F7: variants seen among roughly 807,000 people sequenced by gnomAD.
The protein encoded by F7 is FVII coagulation protein.
F7 carries 38 observed loss-of-function variants against 47.5 expected under a neutral mutation model. The ratio of observed to expected loss-of-function variants is 0.80; its 90% confidence interval spans 0.62 to 1.05. The LOEUF is 1.05. F7 is among the 50% of genes least tolerant of loss of function. F7 has a pLI of 0.00. For missense variants in F7, 575 were observed against 605.4 expected (o/e 0.95, Z 0.53); for synonymous variants, 244 against 258.5 (o/e 0.94, Z 0.54).
chr13:113,119,158 G>C lies in F7; in HGVS notation c.*150G>C, dbSNP rs1038283657. The C allele has an allele frequency of 3.0e-6, 2 of 676,462 alleles. No individual in the cohort carries two copies. The highest frequency in any genetic ancestry group is 1.7e-5 in the South Asian group (1 of 57,810). 41.9% of individuals were successfully genotyped at this position (676,462 alleles called of 1,614,324 possible). A position where few individuals can be genotyped will look rare whatever the true frequency, so the allele number is the denominator to read the frequency against. ...AGGGAGACAGAGACAGAAACAGAGA[G>C]AGACAGAGACAGAGAGAGACTGAGG... On this transcript the variant is annotated 3_prime_UTR_variant, in exon 8 of 8. Transcript: ENST00000346342.
chr13:113,118,751 A>C lies in F7; in HGVS notation c.1078A>C (p.Asn360His), dbSNP rs373135581. ...QQSRKVGDSP[N>H]ITEYMFCAGY... The stretch of plus-strand genomic sequence containing the variant: ...GTCACGGAAGGTGGGAGACTCCCCA[A>C]ATATCACGGAGTACATGTTCTGTGC... Residue 360 changes from asparagine to histidine, a missense_variant, in exon 8 of 8, where the codon AAT becomes CAT. Asn to His is a moderately conservative substitution (Grantham distance 68). Coordinates refer to ENST00000346342, the MANE Select transcript of F7 (RefSeq NM_019616.4). 1.2e-6 allele frequency: 2 copies of C among 1,613,122 alleles called. No individual in the cohort carries two copies. Among genetic ancestry groups the C allele is most frequent in the Non-Finnish European group, 1.7e-6 (2 of 1,179,950 alleles).
chr13:113,106,764 T>TGAGG, intron 1 of F7: 1 of 1,386,362 alleles, frequency 7.2e-7, no homozygotes, highest in Non-Finnish European at 1.0e-6. Flanking sequence ...GGGTGGGCTG[T>TGAGG]GAGGGACAGT....
chr13:113,107,064 G>T (rs2035975100), intron 1 of F7, among the ~76,000 whole-genome samples: 1 of 152,100 alleles, frequency 6.6e-6, no homozygotes, highest in Non-Finnish European at 1.5e-5. Context: ...GACCGCTCCA[G>T]CTTGGCCTTC....
chr13:113,111,941 C>A (rs1330695842), intron 2 of F7, among the ~76,000 whole-genome samples: 1 of 142,992 alleles, frequency 7.0e-6, no homozygotes, highest in African/African-American at 2.6e-5. Flanking sequence ...CACCTCACAC[C>A]CACAGGACAC....
rs764741909 is a variant in F7 at position 113,115,878 on chromosome 13, G to A, written c.505+78G>A. 47 of 1,588,222 alleles carry A rather than the reference G, an allele frequency of 3.0e-5. No homozygotes were observed. Among genetic ancestry groups the A allele is most frequent in the Non-Finnish European group, 3.9e-5 (45 of 1,164,930 alleles). On this transcript the variant is annotated intron_variant, in intron 5 of 7. Transcript: ENST00000346342. ...CGGATTATCTTACTGGACAAAAGACGGGTGGGAGTGGCTTCACATCTACTG... is the reference window on the plus strand; with the variant it reads ...CGGATTATCTTACTGGACAAAAGACAGGTGGGAGTGGCTTCACATCTACTG...
intron 6 of F7, among the ~76,000 whole-genome samples, chr13:113,117,234 A>C (rs948665945): frequency 1.3e-5 from 2 of 152,198 alleles, no homozygotes; most frequent in Non-Finnish European, 2.9e-5. Context: ...TGAACAGTGA[A>C]ATCTCACAGC....
chr13:113,115,569 A>T, intron 4 of F7, 91 bp from the exon 5 acceptor site: 1 of 1,439,232 alleles, frequency 6.9e-7, no homozygotes, highest in Non-Finnish European at 9.6e-7. Context: ...CAGGCAGAAC[A>T]CCACTGCTGA....
chr13:113,117,130 G>T, intron 6 of F7: 1 of 617,162 alleles, frequency 1.6e-6, no homozygotes, highest in Non-Finnish European at 2.9e-6. Flanking sequence ...GAGTTGTCAC[G>T]TCGTCCTCAC....
At chr13:113,111,393 A>G (rs560148347) in intron 2 of F7, among the ~76,000 whole-genome samples, 1,644 of 113,192 alleles carry the variant, frequency 0.015, 16 homozygotes, top group Middle Eastern at 0.05. Context: ...TCACACTCAC[A>G]GGTCACCTCA....
rs1465760734 is a variant in F7 at position 113,113,780 on chromosome 13, A to G, written c.250+4A>G. On this transcript the variant is annotated splice_donor_region_variant and intron_variant, in intron 3 of 7. Coordinates refer to ENST00000346342, the MANE Select transcript of F7 (RefSeq NM_019616.4). This position sits in a 1 kb window ranked among gnomAD's most constrained non-coding sequence, Gnocchi z 4.1. The stretch of plus-strand genomic sequence containing the variant: ...CTGTTCTGGATTTCTTACAGTGGTG[A>G]GTGGATGATCACCACCAGTCCTGCC... The G allele has an allele frequency of 6.2e-7, 1 of 1,614,108 alleles. No homozygotes were observed. The highest frequency in any genetic ancestry group is 8.5e-7 in the Non-Finnish European group (1 of 1,180,024).
At position 113,113,640 on chromosome 13, in the gene F7, C is replaced by T. The variant is rs946184970; in HGVS notation, c.226-112C>T. 1.1e-5 allele frequency: 13 copies of T among 1,135,004 alleles called. No individual in the cohort carries two copies. The highest frequency in any genetic ancestry group is 7.0e-5 in the East Asian group (3 of 42,732). The allele number at this position is 1,135,004 out of a possible 1,614,324, so 70.3% of individuals were successfully genotyped here. A position where few individuals can be genotyped will look rare whatever the true frequency, so the allele number is the denominator to read the frequency against. Reference sequence around the variant, plus strand: ...AAAGTCTGGCTTCCTGAGCCCACCCCGCCAGACCCAGGTCCAAGTCCCCCA... The same window carrying T: ...AAAGTCTGGCTTCCTGAGCCCACCCTGCCAGACCCAGGTCCAAGTCCCCCA... On this transcript the variant is annotated intron_variant, in intron 2 of 7. Transcript: ENST00000346342. This position sits in a 1 kb window ranked among gnomAD's most constrained non-coding sequence, Gnocchi z 4.1.
At chr13:113,117,404 C>T (rs762648762) in intron 6 of F7, 69 bp from the exon 7 acceptor site, 93 of 1,602,258 alleles carry the variant, frequency 5.8e-5, no homozygotes, top group East Asian at 2.7e-4. Context: ...TTGGCATGCC[C>T]GGGAGGGCGA....
chr13:113,115,776 G>A lies in F7; in HGVS notation c.481G>A (p.Asp161Asn), dbSNP rs1258691292. 7 of 1,613,290 alleles carry A rather than the reference G, an allele frequency of 4.3e-6. No individual in the cohort carries two copies. Among genetic ancestry groups the A allele is most frequent in the Non-Finnish European group, 5.1e-6 (6 of 1,180,026 alleles). Residue 161 changes from aspartate (D) to asparagine (N), a missense_variant, in exon 5 of 8, where the codon GAC (aspartate) becomes AAC (asparagine). Asp to Asn is a conservative substitution (Grantham distance 23). Transcript: ENST00000346342. The stretch of plus-strand genomic sequence containing the variant: ...CCACGAGGGGTACTCTCTGCTGGCA[G>A]ACGGGGTGTCCTGCACACCCACAGG... ...RCHEGYSLLA[D>N]GVSCTPTVEY...
At chr13:113,107,017 G>GC in intron 1 of F7, 5 of 1,281,082 alleles carry the variant, frequency 3.9e-6, no homozygotes, top group African/African-American at 1.5e-5. Context: ...CTACTGCAGT[G>GC]CCCCCCAAGG....
chr13:113,113,712 G>A lies in F7; in HGVS notation c.226-40G>A, dbSNP rs778330527. The A allele has an allele frequency of 2.5e-6, 4 of 1,597,516 alleles. No individual in the cohort carries two copies. Among genetic ancestry groups the A allele is most frequent in the Admixed American group, 3.3e-5 (2 of 60,014 alleles). ...AGTGCTTACCGTTGGGTGCTCTGGT[G>A]AAGGTGCATCTCACGAGGCTTGCTC... On this transcript the variant is annotated intron_variant, in intron 2 of 7. Transcript: ENST00000346342. This position sits in a 1 kb window ranked among gnomAD's most constrained non-coding sequence, Gnocchi z 4.1.
In F7 at chr13:113,113,530, G is replaced by A. The variant is rs1468674524; in HGVS notation, c.226-222G>A. Among the ~76,000 whole-genome samples, 1 of 152,210 alleles carries A rather than the reference G, an allele frequency of 6.6e-6. No homozygotes were observed. Among genetic ancestry groups the A allele is most frequent in the African/African-American group, 2.4e-5 (1 of 41,450 alleles). On this transcript the variant is annotated intron_variant, in intron 2 of 7. Coordinates refer to ENST00000346342, the MANE Select transcript of F7 (RefSeq NM_019616.4). The surrounding 1 kb of genome is among the most constrained non-coding windows in gnomAD (Gnocchi z 4.1). Reference sequence around the variant, plus strand: ...GTTGAACCTCGGGTGTTCTGACTTGGGAGCAGGAAATGTGTGGTCACCCAT... The same window carrying A: ...GTTGAACCTCGGGTGTTCTGACTTGAGAGCAGGAAATGTGTGGTCACCCAT...
In F7 at chr13:113,118,644, A is replaced by T; in HGVS notation, c.971A>T (p.Gln324Leu). ...TTCTCATTGGTCAGCGGCTGGGGCC[A>T]GCTGCTGGACCGTGGCGCCACGGCC... Reference protein sequence around the residue: ...VRFSLVSGWGQLLDRGATALE... With the variant: ...VRFSLVSGWGLLLDRGATALE... The change falls in exon 8 of 8, where the codon CAG becomes CTG. Residue 324 changes from glutamine to leucine, a missense_variant. Physicochemically the swap from Gln to Leu is moderately radical, Grantham distance 113. Coordinates refer to ENST00000346342, the MANE Select transcript of F7 (RefSeq NM_019616.4). The T allele has an allele frequency of 4.3e-6, 7 of 1,612,910 alleles. No homozygotes were observed. Among genetic ancestry groups the T allele is most frequent in the Non-Finnish European group, 5.9e-6 (7 of 1,179,992 alleles).
intron 5 of F7, among the ~76,000 whole-genome samples, chr13:113,116,493 A>G (rs2036194125): frequency 6.6e-6 from 1 of 152,228 alleles, no homozygotes; most frequent in Non-Finnish European, 1.5e-5. Flanking sequence ...CGGTTTTAAG[A>G]CGTAAGCCCT....
At position 113,113,596 on chromosome 13, in the gene F7, C is replaced by T. The variant is rs1463885652; in HGVS notation, c.226-156C>T. ...GGGGAGGGGCCAAGATTAGAAGAAA[C>T]CTACCTCAGCTCCAGAGGAAAGTCT... On this transcript the variant is annotated intron_variant, in intron 2 of 7. Coordinates refer to ENST00000346342, the MANE Select transcript of F7 (RefSeq NM_019616.4). The surrounding 1 kb of genome is among the most constrained non-coding windows in gnomAD (Gnocchi z 4.1). 1.3e-5 allele frequency among the ~76,000 whole-genome samples: 2 copies of T among 152,196 alleles called. No homozygotes were observed. The highest frequency in any genetic ancestry group is 3.9e-4 in the East Asian group (2 of 5,192).
Sources: allele counts gnomAD v4.1 joint callset (sites outside exome capture counted in the v4.1 genomes callset), GRCh38; gene constraint gnomAD v4.1.1; non-coding constraint Gnocchi (gnomAD v3.1); transcripts MANE v1.5; gene names NCBI Gene and HGNC (gene_info 2026-07-23, HGNC 2026-07-21).